The following DPP6 variants were observed in gnomAD, a reference collection of about 807,000 sequenced individuals.
DPP6 encodes A-type potassium channel modulatory protein DPP6.
In DPP6, 69 loss-of-function variants were observed where a neutral mutation model predicts 122.6. The observed-to-expected ratio is 0.56, with a 90% CI of 0.46 to 0.69. The LOEUF (loss-of-function observed/expected upper bound fraction) is 0.69. Among genes scored for constraint, DPP6 ranks in the 30% least tolerant of loss-of-function variants. The pLI is 0.00. For synonymous variants in DPP6, 418 were observed against 433.1 expected (o/e 0.97, Z 0.43); for missense variants, 928 against 1,116.9 (o/e 0.83, Z 2.41).
intron 16 of DPP6, among the ~76,000 whole-genome samples, chr7:154,837,418 A>G (rs1263489384): frequency 3.3e-5 from 5 of 151,836 alleles, no homozygotes; most frequent in South Asian, 2.1e-4. Flanking sequence ...TCACACGTGT[A>G]TGCATACAGA....
At chr7:154,273,864 G>A (rs757937315) in intron 1 of DPP6, among the ~76,000 whole-genome samples, 31 of 152,190 alleles carry the variant, frequency 2.0e-4, no homozygotes, top group African/African-American at 3.6e-4. Flanking sequence ...AATGCTAGGC[G>A]TCTCACTATA....
chr7:153,803,860 T>TAC, the DPP6 span, among the ~76,000 whole-genome samples: 2 of 151,470 alleles, frequency 1.3e-5, no homozygotes, highest in Non-Finnish European at 2.9e-5. Context: ...CACACATATA[T>TAC]ATATACACAC....
intron 1 of DPP6, among the ~76,000 whole-genome samples, chr7:154,176,399 G>A (rs1378066501): frequency 6.6e-6 from 1 of 152,204 alleles, no homozygotes; most frequent in African/African-American, 2.4e-5. Flanking sequence ...ACAGCTGGTT[G>A]AGACCCATTG....
At chr7:154,142,350 T>C (rs895891364) in intron 1 of DPP6, among the ~76,000 whole-genome samples, 2 of 152,180 alleles carry the variant, frequency 1.3e-5, no homozygotes, top group African/African-American at 2.4e-5. Flanking sequence ...CCAAACTGAA[T>C]ATATAAATCA....
intron 2 of DPP6, among the ~76,000 whole-genome samples, chr7:154,459,805 C>CAAAAAAAAAAAAAAAAAAA (rs775605275): frequency 6.3e-5 from 4 of 63,078 alleles, no homozygotes; most frequent in East Asian, 4.3e-4. Context: ...GATTCCATCT[C>CAAAAAAAAAAAAAAAAAAA]AAAAAAAAAA....
At chr7:153,885,154 G>A (rs1445964582), upstream of DPP6, among the ~76,000 whole-genome samples, 8 of 151,670 alleles carry the variant, frequency 5.3e-5, no homozygotes, top group African/African-American at 4.8e-5. Flanking sequence ...AACGAATGCC[G>A]CTTCAAAGGA....
chr7:154,475,546 T>C (rs2151350300), intron 3 of DPP6: 1 of 158,172 alleles, frequency 6.3e-6, no homozygotes, highest in East Asian at 1.9e-4. Flanking sequence ...TTTTCCCTGT[T>C]GAACTTTAAT....
intron 1 of DPP6, among the ~76,000 whole-genome samples, chr7:154,011,673 G>C (rs1345752749): frequency 6.6e-6 from 1 of 152,186 alleles, no homozygotes; most frequent in Non-Finnish European, 1.5e-5. Context: ...GCATTGGTTG[G>C]TGCTGGTAGC....
the DPP6 span, among the ~76,000 whole-genome samples, chr7:153,852,174 G>T: frequency 6.6e-6 from 1 of 152,228 alleles, no homozygotes; most frequent in Admixed American, 6.5e-5. Context: ...GCCTGGCTGG[G>T]AGGAGCAGTG....
chr7:154,144,999 C>G, intron 1 of DPP6, among the ~76,000 whole-genome samples: 1 of 152,130 alleles, frequency 6.6e-6, no homozygotes, highest in Middle Eastern at 3.4e-3. Context: ...GATGCAGTCA[C>G]CAGTTCTGCT....
chr7:154,713,017 T>C (rs1841280490), intron 7 of DPP6, among the ~76,000 whole-genome samples: 1 of 152,124 alleles, frequency 6.6e-6, no homozygotes, highest in African/African-American at 2.4e-5. Flanking sequence ...CTAGATACAA[T>C]GGGGGTACAG....
At chr7:154,450,611 G>A (rs950874870) in intron 2 of DPP6, among the ~76,000 whole-genome samples, 1 of 152,204 alleles carries the variant, frequency 6.6e-6, no homozygotes, top group African/African-American at 2.4e-5. Context: ...CGAGCTTCGT[G>A]AATGGAGCAC....
intron 1 of DPP6, among the ~76,000 whole-genome samples, chr7:154,079,170 G>A (rs1424898591): frequency 6.6e-6 from 1 of 152,126 alleles, no homozygotes; most frequent in Non-Finnish European, 1.5e-5. Flanking sequence ...ACTCCATCCT[G>A]GGGGACAGAG....
At chr7:154,327,374 G>A (rs912943197) in intron 1 of DPP6, among the ~76,000 whole-genome samples, 1 of 152,084 alleles carries the variant, frequency 6.6e-6, no homozygotes, top group Non-Finnish European at 1.5e-5. Context: ...ATTCTCAATA[G>A]CGTCCCAGTT....
chr7:153,885,946 T>A (rs1480061132), upstream of DPP6, among the ~76,000 whole-genome samples: 1 of 152,166 alleles, frequency 6.6e-6, no homozygotes, highest in Non-Finnish European at 1.5e-5. Flanking sequence ...TAATTACAGT[T>A]GCAATTACTT....
chr7:153,878,870 A>G, the DPP6 span, among the ~76,000 whole-genome samples: 2 of 152,152 alleles, frequency 1.3e-5, no homozygotes, highest in African/African-American at 2.4e-5. Context: ...CTGTGCAGGA[A>G]TTAAGTGTGT....
In DPP6 at chr7:154,872,820, A is replaced by G. The variant is rs1366603011; in HGVS notation, c.1883+127A>G. The G allele has an allele frequency of 4.0e-6, 6 of 1,504,964 alleles. No homozygotes were observed. The African/African-American group carries it at 5.5e-5, about 14-fold the overall frequency. The allele number at this position is 1,504,964 out of a possible 1,614,324, so 93.2% of individuals were successfully genotyped here. On this transcript the variant is annotated intron_variant, in intron 19 of 25. Coordinates refer to ENST00000377770, the MANE Select transcript of DPP6 (RefSeq NM_130797.4). ...AATGACATTGTTGCAAACTGAAAAC[A>G]TAACATCGTTTAGCCCAATGTCAGG...
chr7:153,832,614 T>C, the DPP6 span, among the ~76,000 whole-genome samples: 1 of 152,218 alleles, frequency 6.6e-6, no homozygotes, highest in Non-Finnish European at 1.5e-5. Context: ...AGTGGAAGTC[T>C]GAATAGGATG....
chr7:154,778,718 G>A lies in DPP6; in HGVS notation c.1136+5776G>A, dbSNP rs867064851. ...CACCACCATCACCACCACCACCTCTGTCACCTCCACAACCTCTACAACTTC... is the reference window on the plus strand; with the variant it reads ...CACCACCATCACCACCACCACCTCTATCACCTCCACAACCTCTACAACTTC... On this transcript the variant is annotated intron_variant, in intron 10 of 25. Coordinates refer to ENST00000377770, the MANE Select transcript of DPP6 (RefSeq NM_130797.4). Among the ~76,000 whole-genome samples, 805 of 133,530 alleles carry A rather than the reference G, an allele frequency of 6.0e-3. 15 individuals are homozygous for A. Among genetic ancestry groups the A allele is most frequent in the African/African-American group, 0.025 (750 of 30,030 alleles). 87.6% of individuals were successfully genotyped at this position (133,530 alleles called of 152,430 possible). A position where few individuals can be genotyped will look rare whatever the true frequency, so the allele number is the denominator to read the frequency against.
Sources: gnomAD v4.1 joint callset for allele counts (sites outside exome capture counted in the v4.1 genomes callset) on GRCh38, gnomAD v4.1.1 for gene constraint, MANE v1.5 for transcripts, NCBI Gene and HGNC (gene_info 2026-07-23, HGNC 2026-07-21) for gene names.